Variants in CEP350 observed in about 807,000 individuals in gnomAD.
The protein encoded by CEP350 is centrosome-associated protein 350.
A neutral mutation model predicts 331.8 loss-of-function variants in CEP350; 126 were observed. That is an observed-to-expected ratio of 0.38 (90% CI 0.33 to 0.44). The LOEUF is 0.44. Ranked by LOEUF, CEP350 falls within the 20% of genes least tolerant of loss-of-function variation. CEP350 has a pLI of 1.00. For synonymous variants in CEP350, 1,200 were observed against 1,259.5 expected (o/e 0.95, Z 1.00); for missense variants, 3,406 against 3,634.6 (o/e 0.94, Z 1.62).
chr1:179,971,575 C>T lies in CEP350; in HGVS notation c.-13-14594C>T, dbSNP rs1333893011. The stretch of plus-strand genomic sequence containing the variant: ...TCTTGGACTCAAGCAATCTTCCTAT[C>T]TTGGCCTCCCAAAGCGCTGGGATTA... On this transcript the variant is annotated intron_variant, in intron 1 of 37. Transcript: ENST00000367607. Among the ~76,000 whole-genome samples the T allele has an allele frequency of 2.6e-5, 4 of 152,156 alleles. No homozygotes were observed. The East Asian group carries it at 7.7e-4, about 29-fold the overall frequency.
At chr1:180,010,711 C>T (rs1180011890) in intron 8 of CEP350, among the ~76,000 whole-genome samples, 2 of 151,760 alleles carry the variant, frequency 1.3e-5, no homozygotes, top group Non-Finnish European at 2.9e-5. Context: ...AAGTGATCCT[C>T]CCACCTCAGC....
At chr1:180,058,275 T>G (rs569785791) in intron 25 of CEP350, among the ~76,000 whole-genome samples, 1 of 152,358 alleles carries the variant, frequency 6.6e-6, no homozygotes, top group East Asian at 1.9e-4. Context: ...CTGTAGAGAT[T>G]TCTGAAATGA....
At chr1:179,991,959 A>G (rs539379402) in intron 4 of CEP350, 103 bp from the exon 5 acceptor site, 17 of 1,103,654 alleles carry the variant, frequency 1.5e-5, no homozygotes, top group Non-Finnish European at 2.1e-5. Flanking sequence ...ATATCCAACT[A>G]TTAGAAATAA....
At chr1:180,074,048 T>A (rs1571959254) in intron 27 of CEP350, 1 of 702,902 alleles carries the variant, frequency 1.4e-6, no homozygotes, top group East Asian at 6.7e-5. Context: ...AAATTTTACC[T>A]TTTGTTTCCA....
intron 1 of CEP350, among the ~76,000 whole-genome samples, chr1:179,972,205 A>G (rs1651498715): frequency 6.6e-6 from 1 of 152,206 alleles, no homozygotes; most frequent in South Asian, 2.1e-4. Flanking sequence ...ATGTTTTGGT[A>G]GTCATTGGCA....
intron 11 of CEP350, among the ~76,000 whole-genome samples, chr1:180,019,207 G>T (rs1017426314): frequency 6.6e-6 from 1 of 152,154 alleles, no homozygotes; most frequent in African/African-American, 2.4e-5. Flanking sequence ...TAATCTCTCT[G>T]TAGTATCCCT....
intron 3 of CEP350, among the ~76,000 whole-genome samples, chr1:179,989,965 G>A (rs576371154): frequency 6.6e-6 from 1 of 151,964 alleles, no homozygotes; most frequent in South Asian, 2.1e-4. Flanking sequence ...GAGGTGTGTG[G>A]ATCACCTGGG....
At chr1:179,968,894 G>T in intron 1 of CEP350, 1 of 753,912 alleles carries the variant, frequency 1.3e-6, no homozygotes, top group Non-Finnish European at 2.4e-6. Flanking sequence ...AGAAATACTG[G>T]CCAGAAGGCT....
chr1:180,015,577 C>T (rs1654922950), intron 10 of CEP350, among the ~76,000 whole-genome samples: 1 of 152,216 alleles, frequency 6.6e-6, no homozygotes, highest in Middle Eastern at 3.4e-3. Flanking sequence ...CACTGTGTTG[C>T]CCACACTGGT....
chr1:179,992,198 T>G lies in CEP350; in HGVS notation c.372T>G (p.Phe124Leu). 2 of 1,508,856 alleles carry G rather than the reference T, an allele frequency of 1.3e-6. No homozygotes were observed. Among genetic ancestry groups the G allele is most frequent in the Non-Finnish European group, 1.8e-6 (2 of 1,135,598 alleles). 93.5% of individuals were successfully genotyped at this position (1,508,856 alleles called of 1,614,324 possible). A position where few individuals can be genotyped will look rare whatever the true frequency, so the allele number is the denominator to read the frequency against. Residue 124 changes from phenylalanine to leucine, a missense_variant, in exon 5 of 38, where the codon TTT becomes TTG. Physicochemically the swap from Phe to Leu is conservative, Grantham distance 22 (BLOSUM62 0). Around this residue, in one of 5 missense-constraint regions of CEP350, gnomAD observed 1,857 missense variants for 1,909.2 expected, o/e 0.97. Coordinates refer to ENST00000367607, the MANE Select transcript of CEP350 (RefSeq NM_014810.5). ...TGAAGAAAAATAATCGTGTGGAATT[T>G]CGTGAACCTTTGGTTTCTTATAGGT... ...SNVKKNNRVEFREPLVSYREI... is the reference protein window; with the variant it reads ...SNVKKNNRVELREPLVSYREI...
chr1:180,077,445 A>G (rs1478556110), intron 28 of CEP350, among the ~76,000 whole-genome samples: 4 of 151,840 alleles, frequency 2.6e-5, no homozygotes, highest in Admixed American at 2.0e-4. Flanking sequence ...AGGCCAAGGC[A>G]CATACATCAC....
intron 16 of CEP350, 126 bp from the exon 17 acceptor site, chr1:180,036,800 T>C: frequency 1.0e-6 from 1 of 995,064 alleles, no homozygotes; most frequent in Non-Finnish European, 1.4e-6. Flanking sequence ...AGGTATTCTG[T>C]ACTGAGTCCC....
intron 23 of CEP350, 72 bp from the exon 24 acceptor site, chr1:180,053,678 A>G (rs17371308): frequency 0.1 from 90,230 of 870,854 alleles, 5,384 homozygotes; most frequent in Non-Finnish European, 0.12. Flanking sequence ...TTGTAAATGC[A>G]TACCTCTTTT....
chr1:179,957,529 C>T (rs757533230), intron 1 of CEP350, among the ~76,000 whole-genome samples: 24 of 152,168 alleles, frequency 1.6e-4, no homozygotes, highest in Non-Finnish European at 3.1e-4. Flanking sequence ...CCTTTAATCA[C>T]TATTATGCAC....
Position 179,954,887 on chromosome 1 carries a change from C to G in CEP350, c.-269C>G, listed in dbSNP as rs1394584365. The G allele has an allele frequency of 1.7e-5, 9 of 518,286 alleles. No individual in the cohort carries two copies. The East Asian group carries it at 3.2e-4, about 18-fold the overall frequency. 32.1% of individuals were successfully genotyped at this position (518,286 alleles called of 1,614,324 possible). On this transcript the variant is annotated 5_prime_UTR_variant, in exon 1 of 38. Coordinates refer to ENST00000367607, the MANE Select transcript of CEP350 (RefSeq NM_014810.5). ...GCCGGGGAGCGGGGCCAGACCTGCG[C>G]CAGAGAGAACTGCAGGGAGCCGCAG...
At chr1:180,100,003 C>A (rs1275932613) in intron 37 of CEP350, among the ~76,000 whole-genome samples, 7 of 152,196 alleles carry the variant, frequency 4.6e-5, no homozygotes, top group African/African-American at 1.7e-4. Flanking sequence ...CCAGGCTGGT[C>A]TCAAACTCCT....
chr1:180,020,454 C>G lies in CEP350; in HGVS notation c.2680C>G (p.Gln894Glu), dbSNP rs1655253481. 6.2e-7 allele frequency: 1 copy of G among 1,613,834 alleles called. No individual in the cohort carries two copies. Among genetic ancestry groups the G allele is most frequent in the South Asian group, 1.1e-5 (1 of 91,088 alleles). Residue 894 changes from glutamine to glutamate, a missense_variant, in exon 12 of 38, where the codon CAG becomes GAG. Physicochemically the swap from Gln to Glu is conservative, Grantham distance 29. Transcript: ENST00000367607. ...DNEDVFSARI[Q>E]KMLGSCVSHA... ...TGAAGATGTTTTCTCTGCCAGAATTCAGAAGATGCTGGGAAGCTGTGTATC... is the reference window on the plus strand; with the variant it reads ...TGAAGATGTTTTCTCTGCCAGAATTGAGAAGATGCTGGGAAGCTGTGTATC...
intron 16 of CEP350, among the ~76,000 whole-genome samples, chr1:180,034,736 G>T (rs1656241979): frequency 6.6e-6 from 1 of 152,096 alleles, no homozygotes. Flanking sequence ...GATCAATGTT[G>T]TGTGTGTTCT....
At chr1:179,987,192 T>A (rs1228026363) in intron 2 of CEP350, 48 bp from the exon 3 acceptor site, 2 of 1,006,106 alleles carry the variant, frequency 2.0e-6, no homozygotes, top group East Asian at 5.4e-5. Flanking sequence ...GAGGTCTAAT[T>A]CAGAGATTCT....
Sources: allele counts gnomAD v4.1 joint callset (sites outside exome capture counted in the v4.1 genomes callset), GRCh38; gene constraint gnomAD v4.1.1; regional missense constraint gnomAD v4.1.1; transcripts MANE v1.5; gene names NCBI Gene and HGNC (gene_info 2026-07-23, HGNC 2026-07-21).